SDF4: variants seen among roughly 807,000 people sequenced by gnomAD.
The protein encoded by SDF4 is 45 kDa calcium-binding protein.
A neutral mutation model predicts 34.2 loss-of-function variants in SDF4; 22 were observed. The observed-to-expected ratio is 0.64, with a 90% CI of 0.46 to 0.92. The LOEUF is 0.92. Among genes scored for constraint, SDF4 ranks in the 40% least tolerant of loss-of-function variants. The pLI is 0.00. For missense variants in SDF4, 447 were observed against 499.9 expected (o/e 0.89, Z 1.01); for synonymous variants, 236 against 203.1 (o/e 1.16, Z -1.38).
chr1:1,220,491 C>G, intron 4 of SDF4: 1 of 1,198,106 alleles, frequency 8.3e-7, no homozygotes, highest in Non-Finnish European at 1.1e-6. Context: ...CCTCCAGGAC[C>G]CGGCAGCTGC....
Position 1,228,912 on chromosome 1 carries a change from G to A in SDF4, c.-140C>T, listed in dbSNP as rs1431606916. 1.4e-6 allele frequency: 1 copy of A among 727,524 alleles called. No homozygotes were observed. The allele number at this position is 727,524 out of a possible 1,614,324, so 45.1% of individuals were successfully genotyped here. On this transcript the variant is annotated 5_prime_UTR_variant, in exon 2 of 7. Transcript: ENST00000360001. ...CACCACGGAGGGCTCTGTGTCCCCA[G>A]GACGGCCGCAGGATGGGGACAAGCA...
intron 1 of SDF4, among the ~76,000 whole-genome samples, chr1:1,229,148 T>C (rs4970428): frequency 1.3e-5 from 2 of 151,748 alleles, no homozygotes; most frequent in Admixed American, 6.6e-5. Context: ...TTGTTTTCTC[T>C]GGACCACACG....
rs1649680850 is a variant in SDF4 at position 1,218,572 on chromosome 1, C to T, written c.777G>A (p.Val259=). The T allele has an allele frequency of 6.2e-7, 1 of 1,614,086 alleles. No homozygotes were observed. Among genetic ancestry groups the T allele is most frequent in the Non-Finnish European group, 8.5e-7 (1 of 1,179,954 alleles). Residue 259 remains valine (V), a synonymous_variant, in exon 6 of 7, where the codon GTG becomes GTA. Coordinates refer to ENST00000360001, the MANE Select transcript of SDF4 (RefSeq NM_016176.6). This position sits in a 1 kb window ranked among gnomAD's most constrained non-coding sequence, Gnocchi z 7.9. ...PEFISLPVGT[V]ENQQGQDIDD... ...CAATGTCCTGGCCCTGCTGGTTCTCCACGGTGCCCACGGGCAGGGAGATGA... is the reference window on the plus strand; with the variant it reads ...CAATGTCCTGGCCCTGCTGGTTCTCTACGGTGCCCACGGGCAGGGAGATGA...
chr1:1,221,203 C>T lies in SDF4; in HGVS notation c.556+2041G>A, dbSNP rs569050049. 7.8e-5 allele frequency: 14 copies of T among 179,258 alleles called. No individual in the cohort carries two copies. In the South Asian group the frequency reaches 1.2e-3, roughly 15 times the overall value. 11.1% of individuals were successfully genotyped at this position (179,258 alleles called of 1,614,324 possible). On this transcript the variant is annotated intron_variant, in intron 4 of 6. Coordinates refer to ENST00000360001, the MANE Select transcript of SDF4 (RefSeq NM_016176.6). ...CAGAGCCAACAGGCTCAAAAGTCTC[C>T]GCGTCATTCTAGAAGGTCAAGGCCA...
Position 1,218,583 on chromosome 1 carries a change from C to CGG in SDF4, c.764_765dup (p.Val256ProfsTer18). The CGG allele has an allele frequency of 6.8e-6, 11 of 1,614,112 alleles. No homozygotes were observed. Among genetic ancestry groups the CGG allele is most frequent in the Non-Finnish European group, 8.5e-6 (10 of 1,179,960 alleles). ...CCCTGCTGGTTCTCCACGGTGCCCACGGGCAGGGAGATGAACTCGGGCACA... is the reference window on the plus strand; with the variant it reads ...CCCTGCTGGTTCTCCACGGTGCCCACGGGGGCAGGGAGATGAACTCGGGCACA... On this transcript the variant is annotated frameshift_variant, in exon 6 of 7. Transcript: ENST00000360001. LOFTEE classifies it high-confidence loss of function. This position sits in a 1 kb window ranked among gnomAD's most constrained non-coding sequence, Gnocchi z 7.9.
chr1:1,231,681 G>C (rs1411949004), intron 1 of SDF4, among the ~76,000 whole-genome samples: 1 of 152,118 alleles, frequency 6.6e-6, no homozygotes, highest in African/African-American at 2.4e-5. Context: ...CCGGCGGCCG[G>C]GGAGGCCAGC....
rs148054647 is a variant in SDF4, at chr1:1,220,403, C to T, written c.557-1476G>A. ...GAGGACAGCAGCCCCCGGACTCACG[C>T]GGTGACCCTCGCAGGAGCCATGCAG... On this transcript the variant is annotated intron_variant, in intron 4 of 6. Transcript: ENST00000360001. 8,652 of 1,167,888 alleles carry T rather than the reference C, an allele frequency of 7.4e-3. 46 individuals are homozygous for T. The highest frequency in any genetic ancestry group is 8.6e-3 in the Non-Finnish European group (7,978 of 930,590). 72.3% of individuals were successfully genotyped at this position (1,167,888 alleles called of 1,614,324 possible). A position where few individuals can be genotyped will look rare whatever the true frequency, so the allele number is the denominator to read the frequency against.
chr1:1,223,070 TACTC>T, intron 4 of SDF4, 170 bp downstream of exon 4: 1 of 609,022 alleles, frequency 1.6e-6, no homozygotes, highest in South Asian at 1.9e-5. Flanking sequence ...TGCACACACG[TACTC>T]ACGAGCACGC....
At chr1:1,224,121 C>G (rs925234764) in intron 2 of SDF4, among the ~76,000 whole-genome samples, 153 bp from the exon 3 acceptor site, 1 of 152,084 alleles carries the variant, frequency 6.6e-6, no homozygotes, top group Non-Finnish European at 1.5e-5. Flanking sequence ...GCGTCCGGGA[C>G]GTGGGGCTTG....
At chr1:1,221,689 A>G (rs536092900) in intron 4 of SDF4, among the ~76,000 whole-genome samples, 24 of 152,358 alleles carry the variant, frequency 1.6e-4, no homozygotes, top group African/African-American at 5.5e-4. Context: ...GACTAGGCGC[A>G]GTGGCTCACG....
chr1:1,220,887 C>T (rs979846348), intron 4 of SDF4: 13 of 611,564 alleles, frequency 2.1e-5, no homozygotes, highest in South Asian at 1.1e-4. Flanking sequence ...CAGCAGGGAA[C>T]GCGGGACCGG....
At position 1,220,087 on chromosome 1, in the gene SDF4, C is replaced by A. The variant is rs1243875394; in HGVS notation, c.557-1160G>T. On this transcript the variant is annotated intron_variant, in intron 4 of 6. Coordinates refer to ENST00000360001, the MANE Select transcript of SDF4 (RefSeq NM_016176.6). Reference sequence around the variant, plus strand: ...GAGAGGCACAGACGCCCCAGACAGGCCGGCCGAGAGACGCTTTCTCCAGCA... The same window carrying A: ...GAGAGGCACAGACGCCCCAGACAGGACGGCCGAGAGACGCTTTCTCCAGCA... 17 of 986,744 alleles carry A rather than the reference C, an allele frequency of 1.7e-5. No homozygotes were observed. The South Asian group carries it at 7.5e-4, about 43-fold the overall frequency. The allele number at this position is 986,744 out of a possible 1,614,324, so 61.1% of individuals were successfully genotyped here.
At chr1:1,231,017 C>CG (rs749804834) in intron 1 of SDF4, among the ~76,000 whole-genome samples, 25 of 152,258 alleles carry the variant, frequency 1.6e-4, no homozygotes, top group Non-Finnish European at 3.5e-4. Context: ...GCAGGAGGAT[C>CG]GTGAGACCAG....
At chr1:1,225,429 T>C (rs3753343) in intron 2 of SDF4, among the ~76,000 whole-genome samples, 17,470 of 152,072 alleles carry the variant, frequency 0.11, 1,144 homozygotes, top group East Asian at 0.17. Flanking sequence ...GCTTCGAGGG[T>C]GCACACACCG....
intron 4 of SDF4, among the ~76,000 whole-genome samples, chr1:1,222,590 C>G (rs1474493272): frequency 6.6e-6 from 1 of 152,394 alleles, no homozygotes; most frequent in African/African-American, 2.4e-5. Flanking sequence ...TGTGCCCTCT[C>G]CCCAGGAAAC....
rs1021353907 is a variant in SDF4 at position 1,219,413 on chromosome 1, C to G, written c.557-486G>C. On this transcript the variant is annotated intron_variant, in intron 4 of 6. Transcript: ENST00000360001. ...CAGGATGGGCCTGGGCCCCACCCCC[C>G]ACACCCGCGCCTGCCCCTCTGGAGG... 1.6e-5 allele frequency: 16 copies of G among 1,017,274 alleles called. No homozygotes were observed. The African/African-American group carries it at 1.9e-4, about 12-fold the overall frequency. The allele number at this position is 1,017,274 out of a possible 1,614,324, so 63.0% of individuals were successfully genotyped here.
At chr1:1,220,341 G>A (rs990053577) in intron 4 of SDF4, 8 of 1,103,144 alleles carry the variant, frequency 7.3e-6, no homozygotes, top group African/African-American at 1.6e-5. Context: ...CGCCTGCCAC[G>A]CCTTCACCGC....
At chr1:1,222,234 G>A in intron 4 of SDF4, among the ~76,000 whole-genome samples, 1 of 152,346 alleles carries the variant, frequency 6.6e-6, no homozygotes, top group South Asian at 2.1e-4. Flanking sequence ...GGAGCCCCAG[G>A]GTGGCAGCAA....
intron 4 of SDF4, among the ~76,000 whole-genome samples, chr1:1,221,674 G>A (rs913932437): frequency 1.5e-4 from 23 of 152,132 alleles, no homozygotes; most frequent in Admixed American, 1.3e-3. Context: ...AAAGAAAGAG[G>A]CTAAGACTAG....
Sources: gnomAD v4.1 joint callset for allele counts (sites outside exome capture counted in the v4.1 genomes callset) on GRCh38, gnomAD v4.1.1 for gene constraint, Gnocchi (gnomAD v3.1) non-coding constraint, MANE v1.5 for transcripts, NCBI Gene and HGNC (gene_info 2026-07-23, HGNC 2026-07-21) for gene names.